TTN: variants seen among roughly 807,000 people sequenced by gnomAD.
The protein encoded by TTN is titin, also known as connectin.
In TTN, 1,525 loss-of-function variants were observed where a neutral mutation model predicts 3,223.0. The observed-to-expected ratio is 0.47, with a 90% CI of 0.45 to 0.49. The LOEUF (loss-of-function observed/expected upper bound fraction) is 0.49. Among genes scored for constraint, TTN ranks in the 20% least tolerant of loss-of-function variants. TTN has a pLI of 0.00. For missense variants in TTN, 40,786 were observed against 43,424.0 expected (o/e 0.94, Z 5.40); for synonymous variants, 14,094 against 15,161.0 (o/e 0.93, Z 5.17).
intron 103 of TTN, 86 bp from the exon 104 acceptor site, chr2:178,705,052 A>G (rs1053794504): frequency 1.4e-5 from 22 of 1,580,230 alleles, no homozygotes; most frequent in Non-Finnish European, 1.7e-5. Flanking sequence ...TCCATTCTGG[A>G]TGCTGGTTAG....
rs1352439907 is a variant in TTN at position 178,713,242 on chromosome 2, A to G, written c.26892T>C (p.Asn8964=). 3.1e-6 allele frequency: 5 copies of G among 1,611,960 alleles called. No individual in the cohort carries two copies. In the East Asian group the frequency reaches 1.1e-4, roughly 36 times the overall value. Residue 8964 remains asparagine, a synonymous_variant, in exon 93 of 363, where the codon AAT becomes AAC. Transcript: ENST00000589042. ...GGTATTTCCTTCCACTACTGATCTC[A>G]TTTCCTTCATGGAACCAGGAGACAG... ...PISVSWFHEG[N]EISSGRKYQT...
chr2:178,693,291 GC>G (rs1351208538), intron 119 of TTN, among the ~76,000 whole-genome samples: 1 of 151,940 alleles, frequency 6.6e-6, no homozygotes, highest in East Asian at 1.9e-4. Context: ...CTACTGACTG[GC>G]AAAATTCCTG....
At position 178,526,969 on chromosome 2, in the gene TTN, G is replaced by T; in HGVS notation, c.*43C>A. ...AGATTAGTCCGTGTGAAACGTTTGC[G>T]AAAAGTTAAGAATGAGTGTAGAGTA... On this transcript the variant is annotated 3_prime_UTR_variant, in exon 363 of 363. Transcript: ENST00000589042. 6.7e-7 allele frequency: 1 copy of T among 1,484,686 alleles called. No homozygotes were observed. The highest frequency in any genetic ancestry group is 9.0e-7 in the Non-Finnish European group (1 of 1,109,932). 92.0% of individuals were successfully genotyped at this position (1,484,686 alleles called of 1,614,324 possible).
intron 47 of TTN, chr2:178,746,727 G>A (rs1486807945): frequency 6.2e-7 from 1 of 1,613,336 alleles, no homozygotes; most frequent in Admixed American, 1.7e-5. Flanking sequence ...CTTTCATCTG[G>A]CTCTAGTAAA....
At position 178,532,120 on chromosome 2, in the gene TTN, G is replaced by C. The variant is rs1689397500; in HGVS notation, c.104495C>G (p.Ser34832Cys). 1 of 1,613,956 alleles carries C rather than the reference G, an allele frequency of 6.2e-7. No individual in the cohort carries two copies. Residue 34832 changes from serine (S) to cysteine (C), a missense_variant, in exon 358 of 363, where the codon TCT becomes TGT. Physicochemically the swap from Ser to Cys is moderately radical, Grantham distance 112. Coordinates refer to ENST00000589042, the MANE Select transcript of TTN (RefSeq NM_001267550.2). ...CCGTCGTCTCAGTAGTCTAGACGCAGATGAGGATGATTCTCTTTGAGCATG... is the reference window on the plus strand; with the variant it reads ...CCGTCGTCTCAGTAGTCTAGACGCACATGAGGATGATTCTCTTTGAGCATG... ...SKHAQRESSS[S>C]ASRLLRRRRS...
intron 135 of TTN, 122 bp from the exon 136 acceptor site, chr2:178,681,860 A>G: frequency 1.3e-6 from 1 of 775,846 alleles, no homozygotes; most frequent in East Asian, 3.2e-5. Context: ...AGCCTATTGA[A>G]GTAGGCAAGA....
rs917862808 is a variant in TTN, at chr2:178,599,799, T to C, written c.56102A>G (p.Asn18701Ser). The C allele has an allele frequency of 1.2e-6, 2 of 1,608,702 alleles. No homozygotes were observed. The highest frequency in any genetic ancestry group is 1.7e-5 in the Admixed American group (1 of 59,212). ...TTTAATTTTGGCCACAATGTTAACA[T>C]TGGTTCCTTCTTCAACCTCCATGAA... The part of the protein sequence containing the change: ...KEFMEVEEGT[N>S]VNIVAKIKGV... Residue 18701 changes from asparagine (N) to serine (S), a missense_variant, in exon 289 of 363, where the codon AAT becomes AGT. Coordinates refer to ENST00000589042, the MANE Select transcript of TTN (RefSeq NM_001267550.2).
chr2:178,531,951 G>C lies in TTN; in HGVS notation c.104664C>G (p.Ser34888Arg), dbSNP rs1365150853. 6.2e-7 allele frequency: 1 copy of C among 1,613,558 alleles called. No individual in the cohort carries two copies. The highest frequency in any genetic ancestry group is 8.5e-7 in the Non-Finnish European group (1 of 1,179,738). ...AGAGTGATCTCTCACTAGACACAGG[G>C]CTGGGGGATCGTGGGCGAGTTCTCT... is the stretch of plus-strand genomic sequence containing the variant. ...TPERTRPRSP[S>R]PVSSERSLSR... Residue 34888 changes from serine to arginine, a missense_variant, in exon 358 of 363, where the codon AGC becomes AGG. Ser to Arg is a moderately radical substitution (Grantham distance 110). Coordinates refer to ENST00000589042, the MANE Select transcript of TTN (RefSeq NM_001267550.2).
At chr2:178,685,389 G>T in intron 128 of TTN, 59 bp from the exon 129 acceptor site, 1 of 1,490,306 alleles carries the variant, frequency 6.7e-7, no homozygotes, top group Non-Finnish European at 9.1e-7. Context: ...CGATAAAAGT[G>T]TAAGGGATCT....
chr2:178,696,273 A>G lies in TTN; in HGVS notation c.30803-4T>C. ...GATACATCAATGATTTCAGGAGCTAAAATAGATAAAGATACTATTAGCATA... is the reference window on the plus strand; with the variant it reads ...GATACATCAATGATTTCAGGAGCTAGAATAGATAAAGATACTATTAGCATA... On this transcript the variant is annotated splice_polypyrimidine_tract_variant and splice_region_variant and intron_variant, in intron 113 of 362. Coordinates refer to ENST00000589042, the MANE Select transcript of TTN (RefSeq NM_001267550.2). 6.6e-7 allele frequency: 1 copy of G among 1,520,492 alleles called. No individual in the cohort carries two copies. The highest frequency in any genetic ancestry group is 8.8e-7 in the Non-Finnish European group (1 of 1,139,056). 94.2% of individuals were successfully genotyped at this position (1,520,492 alleles called of 1,614,324 possible).
Position 178,632,746 on chromosome 2 carries a change from G to A in TTN, c.43260C>T (p.Phe14420=), listed in dbSNP as rs372382546. 140 of 1,613,090 alleles carry A rather than the reference G, an allele frequency of 8.7e-5. No homozygotes were observed. Among genetic ancestry groups the A allele is most frequent in the African/African-American group, 4.4e-4 (33 of 74,978 alleles). ...ACTCAAACTTAGCCTCATCTTTCTC[G>A]AAGACTTTAACATCACTGAGAGGTG... ...FITPLSDVKV[F]EKDEAKFECE... is the part of the protein sequence containing the mutation. Residue 14420 remains phenylalanine (F), a synonymous_variant, in exon 235 of 363, where the codon TTC becomes TTT. Transcript: ENST00000589042.
chr2:178,633,391 T>A (rs2060046644), intron 232 of TTN, 22 bp downstream of exon 232: 1 of 1,613,108 alleles, frequency 6.2e-7, no homozygotes, highest in Non-Finnish European at 8.5e-7. Flanking sequence ...TAGGGTAAAT[T>A]TTACATTGTT....
At position 178,545,703 on chromosome 2, in the gene TTN, A is replaced by G; in HGVS notation, c.95417-10T>C. 5 of 1,608,532 alleles carry G rather than the reference A, an allele frequency of 3.1e-6. No homozygotes were observed. In the South Asian group the frequency reaches 3.3e-5, roughly 11 times the overall value. ...GGTGGTGATGGAATAGCTGTTTATG[A>G]AAATAAGGATGATGAGAATTGCACA... is the stretch of plus-strand genomic sequence containing the variant. On this transcript the variant is annotated splice_polypyrimidine_tract_variant and intron_variant, in intron 343 of 362. Transcript: ENST00000589042.
chr2:178,600,812 A>T, intron 288 of TTN, 42 bp downstream of exon 288: 1 of 1,609,364 alleles, frequency 6.2e-7, no homozygotes, highest in Non-Finnish European at 8.5e-7. Flanking sequence ...CTAGGAAGGC[A>T]GCTGTAAGGA....
intron 217 of TTN, chr2:178,644,923 G>T (rs2061701061): frequency 3.8e-6 from 1 of 265,434 alleles, no homozygotes; most frequent in Non-Finnish European, 7.1e-6. Context: ...TTATGTGTGT[G>T]TCTTCATGGA....
At position 178,702,638 on chromosome 2, in the gene TTN, G is replaced by T. The variant is rs774568048; in HGVS notation, c.30249C>A (p.Arg10083=). 1 of 1,613,810 alleles carries T rather than the reference G, an allele frequency of 6.2e-7. No individual in the cohort carries two copies. The highest frequency in any genetic ancestry group is 2.2e-5 in the East Asian group (1 of 44,886). The change falls in exon 107 of 363, where the codon CGC becomes CGA. Residue 10083 remains arginine, a synonymous_variant. Transcript: ENST00000589042. The stretch of plus-strand genomic sequence containing the variant: ...GCTCACTCACCACGATGTTCTGTAT[G>T]CGCTTTGTAAACTGAATTGGTTCAG... The part of the protein sequence containing the change: ...IEAEPIQFTK[R]IQNIVVSEHQ...
rs1326050718 is a variant in TTN at position 178,647,471 on chromosome 2, A to G, written c.40058-7T>C. 5.2e-6 allele frequency: 8 copies of G among 1,549,346 alleles called. No individual in the cohort carries two copies. In the Admixed American group the frequency reaches 1.4e-4, roughly 27 times the overall value. ...TTCTCAGGCACTTTGGGCACTTTAA[A>G]GATATGATTTTGTTTACTATTAAGA... On this transcript the variant is annotated splice_polypyrimidine_tract_variant and splice_region_variant and intron_variant, in intron 213 of 362. Transcript: ENST00000589042.
Position 178,549,143 on chromosome 2 carries a change from A to G in TTN, c.92483T>C (p.Val30828Ala). 1 of 1,613,736 alleles carries G rather than the reference A, an allele frequency of 6.2e-7. No homozygotes were observed. Among genetic ancestry groups the G allele is most frequent in the Non-Finnish European group, 8.5e-7 (1 of 1,179,824 alleles). Reference sequence around the variant, plus strand: ...TGTCTTTGATGTGTCTGTTACTTTGACCACTGTGGGAGGACCTGGTGGGTT... The same window carrying G: ...TGTCTTTGATGTGTCTGTTACTTTGGCCACTGTGGGAGGACCTGGTGGGTT... Reference protein sequence around the residue: ...PVNPPGPPTVVKVTDTSKTTV... With the variant: ...PVNPPGPPTVAKVTDTSKTTV... The change falls in exon 339 of 363, where the codon GTC (valine) becomes GCC (alanine). Residue 30828 changes from valine to alanine, a missense_variant. Physicochemically the swap from Val to Ala is moderately conservative, Grantham distance 64 (BLOSUM62 0). Transcript: ENST00000589042.
rs572401798 is a variant in TTN, at chr2:178,543,964, A to G, written c.96180T>C (p.Ile32060=). 4.6e-4 allele frequency: 741 copies of G among 1,613,692 alleles called. 13 individuals are homozygous for G. The South Asian group carries it at 7.6e-3, about 17-fold the overall frequency. The part of the protein sequence containing the change: ...KQGIDLASRA[I]IDTTESYSLL... ...ATGAGTAGCTCTCAGTGGTGTCAATAATTGCCCGGCTTGCAAGGTCAATGC... is the reference window on the plus strand; with the variant it reads ...ATGAGTAGCTCTCAGTGGTGTCAATGATTGCCCGGCTTGCAAGGTCAATGC... The change falls in exon 346 of 363, where the codon ATT becomes ATC. Residue 32060 remains isoleucine, a synonymous_variant. Coordinates refer to ENST00000589042, the MANE Select transcript of TTN (RefSeq NM_001267550.2).
Sources: gnomAD v4.1 joint callset for allele counts (sites outside exome capture counted in the v4.1 genomes callset) on GRCh38, gnomAD v4.1.1 for gene constraint, MANE v1.5 for transcripts, NCBI Gene and HGNC (gene_info 2026-07-23, HGNC 2026-07-21) for gene names.